XNDC1N: variants seen among roughly 807,000 people sequenced by gnomAD.
XNDC1N encodes the protein protein XNDC1N.
chr11:71,880,011 T>C, the XNDC1N span, among the ~76,000 whole-genome samples: 5 of 152,172 alleles, frequency 3.3e-5, no homozygotes, highest in Non-Finnish European at 5.9e-5. Flanking sequence ...ATGAATTTTA[T>C]AGTAAATTCT....
chr11:71,895,976 G>C, the XNDC1N span, among the ~76,000 whole-genome samples: 8 of 152,266 alleles, frequency 5.3e-5, no homozygotes, highest in East Asian at 1.2e-3. Flanking sequence ...CTTCTATGTA[G>C]GAAGAAAAAA....
the XNDC1N span, among the ~76,000 whole-genome samples, chr11:71,889,126 C>G: frequency 2.6e-5 from 4 of 152,172 alleles, no homozygotes; most frequent in South Asian, 2.1e-4. Context: ...TGCTTTCATT[C>G]GGGCCTTAGA....
chr11:71,876,921 C>A, the XNDC1N span, among the ~76,000 whole-genome samples: 57 of 152,334 alleles, frequency 3.7e-4, no homozygotes, highest in East Asian at 7.9e-3. Flanking sequence ...CCTAAGATCC[C>A]CCTTTGAGTT....
the XNDC1N span, among the ~76,000 whole-genome samples, chr11:71,907,286 A>G: frequency 2.9e-3 from 436 of 152,126 alleles, no homozygotes; most frequent in African/African-American, 9.9e-3. Flanking sequence ...ATAATACGAG[A>G]AACGGAGTAA....
At chr11:71,893,699 CG>C in the XNDC1N span, 8 of 1,323,158 alleles carry the variant, frequency 6.0e-6, no homozygotes, top group Non-Finnish European at 7.3e-6. Flanking sequence ...ACCTCGGCCA[CG>C]GTTCCCAATA....
the XNDC1N span, among the ~76,000 whole-genome samples, chr11:71,925,721 G>A: frequency 6.6e-6 from 1 of 151,404 alleles, no homozygotes. Context: ...GAGGTCAGGA[G>A]TACAAAAAAT....
the XNDC1N span, chr11:71,865,512 A>G: frequency 1.3e-5 from 2 of 151,370 alleles, no homozygotes; most frequent in African/African-American, 5.6e-5. Flanking sequence ...GAATCAGTCC[A>G]GAAAATCTAA....
chr11:71,923,978 AATAAT>A, the XNDC1N span, among the ~76,000 whole-genome samples: 51 of 152,256 alleles, frequency 3.3e-4, no homozygotes, highest in East Asian at 9.2e-3. Context: ...GCAAGTACAA[AATAAT>A]ATATTAAGAT....
the XNDC1N span, among the ~76,000 whole-genome samples, chr11:71,866,635 G>A: frequency 3.3e-5 from 5 of 152,016 alleles, no homozygotes; most frequent in South Asian, 2.1e-4. Flanking sequence ...ATGGTGGTGG[G>A]TGCCTGTAAT....
At chr11:71,927,520 CA>C in the XNDC1N span, 1 of 144,120 alleles carries the variant, frequency 6.9e-6, no homozygotes, top group Non-Finnish European at 1.5e-5. Flanking sequence ...GACACCGTTT[CA>C]AAGAAAAAAA....
At chr11:71,892,811 G>A in the XNDC1N span, among the ~76,000 whole-genome samples, 1 of 152,096 alleles carries the variant, frequency 6.6e-6, no homozygotes, top group South Asian at 2.1e-4. Flanking sequence ...GTGAGCCATG[G>A]TACTGGGCCA....
At chr11:71,896,954 C>T in the XNDC1N span, among the ~76,000 whole-genome samples, 9 of 152,242 alleles carry the variant, frequency 5.9e-5, no homozygotes, top group Middle Eastern at 0.01. Context: ...TGATTTTTCA[C>T]GAGTGCTAAG....
chr11:71,870,669 C>A, the XNDC1N span, among the ~76,000 whole-genome samples: 1 of 152,128 alleles, frequency 6.6e-6, no homozygotes, highest in East Asian at 1.9e-4. Flanking sequence ...TTATAAGGAT[C>A]TCAAACAACT....
chr11:71,889,104 A>G, the XNDC1N span, among the ~76,000 whole-genome samples: 6 of 152,218 alleles, frequency 3.9e-5, no homozygotes, highest in African/African-American at 1.4e-4. Context: ...CAGCCTAGAA[A>G]GCTGAACTCA....
At chr11:71,890,071 T>A in the XNDC1N span, among the ~76,000 whole-genome samples, 17 of 151,878 alleles carry the variant, frequency 1.1e-4, no homozygotes, top group South Asian at 3.5e-3. Context: ...AAAGGTGGAG[T>A]GGATGAATCG....
chr11:71,914,271 G>C, the XNDC1N span: 3 of 456,056 alleles, frequency 6.6e-6, no homozygotes. Flanking sequence ...GAATACTGGT[G>C]ATTCATGGGA....
the XNDC1N span, among the ~76,000 whole-genome samples, chr11:71,874,481 G>C: frequency 6.6e-6 from 1 of 152,198 alleles, no homozygotes; most frequent in Non-Finnish European, 1.5e-5. Context: ...CCATCACTGA[G>C]AGAGCAAGAC....
the XNDC1N span, among the ~76,000 whole-genome samples, chr11:71,905,002 G>A: frequency 6.6e-6 from 1 of 151,924 alleles, no homozygotes; most frequent in East Asian, 1.9e-4. Context: ...TAATATCAGG[G>A]GGTGCACATA....
chr11:71,909,292 C>G, the XNDC1N span, among the ~76,000 whole-genome samples: 1 of 150,838 alleles, frequency 6.6e-6, no homozygotes, highest in African/African-American at 2.5e-5. Flanking sequence ...CGGCGATATG[C>G]CGACCTGTTT....
Sources: gnomAD v4.1 joint callset for allele counts (sites outside exome capture counted in the v4.1 genomes callset) on GRCh38, gnomAD v4.1.1 for gene constraint, MANE v1.5 for transcripts, NCBI Gene and HGNC (gene_info 2026-07-23, HGNC 2026-07-21) for gene names.